DMD: variants seen among roughly 807,000 people sequenced by gnomAD.
The protein encoded by DMD is mutant dystrophin.
Under a neutral mutation model 330.1 loss-of-function variants are expected in DMD, and 63 were observed. The ratio of observed to expected loss-of-function variants is 0.19; its 90% CI spans 0.16 to 0.24. The LOEUF is 0.24. DMD is among the 10% of genes least tolerant of loss of function. The pLI is 1.00. For missense variants in DMD, 3,344 were observed against 2,684.1 expected, an observed-to-expected ratio of 1.25 and a Z score of -5.43; for synonymous variants, 1,223 against 959.8, an observed-to-expected ratio of 1.27 and a Z score of -5.07.
intron 15 of DMD, among the ~76,000 whole-genome samples, chrX:32,570,097 C>A (rs2052230185): frequency 9.0e-6 from 1 of 111,322 alleles, no homozygotes; most frequent in Admixed American, 9.6e-5. Flanking sequence ...CCCCACCTCC[C>A]ACCTCAATGG....
Position 32,103,009 on chromosome X carries a change from G to A in DMD, c.6438+113907C>T, listed in dbSNP as rs1250290110. On this transcript the variant is annotated intron_variant, in intron 44 of 78. Coordinates refer to ENST00000357033, the MANE Select transcript of DMD (RefSeq NM_004006.3). ...TAGAGAAACTATTTTTAACCCAACG[G>A]AGCTGCATTTAGGTTACTCCCTGTG... Among the ~76,000 whole-genome samples, 11 of 111,768 alleles carry A rather than the reference G, an allele frequency of 9.8e-5. No individual in the cohort carries two copies. The East Asian group carries it at 2.8e-3, about 29-fold the overall frequency.
intron 26 of DMD, 135 bp from the exon 27 acceptor site, chrX:32,448,773 C>T: frequency 1.8e-6 from 1 of 541,144 alleles, no homozygotes; most frequent in Non-Finnish European, 2.8e-6. Flanking sequence ...CTAATATGAA[C>T]TCCAGTCTCT....
chrX:31,772,441 T>G (rs1025616536), intron 51 of DMD, among the ~76,000 whole-genome samples: 1 of 111,998 alleles, frequency 8.9e-6, no homozygotes, highest in Non-Finnish European at 1.9e-5. Flanking sequence ...GAGTATTATA[T>G]AACTCAATAT....
At chrX:32,713,714 T>C (rs1223880697) in intron 7 of DMD, among the ~76,000 whole-genome samples, 2 of 111,911 alleles carry the variant, frequency 1.8e-5, no homozygotes, top group African/African-American at 3.2e-5. Flanking sequence ...TTATATCCTC[T>C]AAAATAATAC....
At chrX:32,866,733 G>T (rs1603450782) in intron 2 of DMD, among the ~76,000 whole-genome samples, 1 of 32,770 alleles carries the variant, frequency 3.1e-5, no homozygotes, top group Non-Finnish European at 5.6e-5. Flanking sequence ...TTGGGGGGGG[G>T]TGGGGGGGTG....
chrX:33,102,915 G>A (rs144069883), intron 1 of DMD, among the ~76,000 whole-genome samples: 10 of 111,934 alleles, frequency 8.9e-5, no homozygotes, highest in Non-Finnish European at 1.9e-4. Flanking sequence ...ACTTAAACCC[G>A]TAAATGGCAA....
chrX:31,152,679 A>C (rs985840633), intron 74 of DMD, among the ~76,000 whole-genome samples: 11 of 111,361 alleles, frequency 9.9e-5, no homozygotes, highest in African/African-American at 3.3e-4. Context: ...GACTACAGGC[A>C]TGTACCACCA....
chrX:32,417,793 C>T (rs1360804908), intron 29 of DMD, among the ~76,000 whole-genome samples: 1 of 107,168 alleles, frequency 9.3e-6, no homozygotes, highest in Non-Finnish European at 1.9e-5. Context: ...TACTTGTACC[C>T]CAAATAAACC....
At chrX:31,915,724 G>A (rs778776974) in intron 47 of DMD, among the ~76,000 whole-genome samples, 18 of 111,653 alleles carry the variant, frequency 1.6e-4, no homozygotes, top group African/African-American at 4.2e-4. Context: ...TAGACTATTG[G>A]CTTTTGAGAA....
chrX:32,335,705 T>C (rs2097706124), intron 41 of DMD, among the ~76,000 whole-genome samples: 1 of 107,046 alleles, frequency 9.3e-6, no homozygotes, highest in African/African-American at 3.3e-5. Context: ...GTTATATACA[T>C]AACATGTATA....
intron 63 of DMD, among the ~76,000 whole-genome samples, chrX:31,242,068 T>G (rs1300859632): frequency 9.2e-6 from 1 of 108,555 alleles, no homozygotes; most frequent in African/African-American, 3.4e-5. Flanking sequence ...ACAGCCTGGA[T>G]AACATGGCAA....
At chrX:32,940,573 C>T in intron 2 of DMD, among the ~76,000 whole-genome samples, 1 of 111,344 alleles carries the variant, frequency 9.0e-6, no homozygotes, top group Non-Finnish European at 1.9e-5. Context: ...AAAGGACTCC[C>T]TGTTCAATAA....
intron 2 of DMD, among the ~76,000 whole-genome samples, chrX:32,857,458 G>A (rs1257272097): frequency 8.9e-6 from 1 of 112,132 alleles, no homozygotes; most frequent in African/African-American, 3.2e-5. Context: ...TTAAAATGAT[G>A]TGTTTTTTTC....
At position 32,801,490 on chromosome X, in the gene DMD, T is replaced by A. The variant is rs183090126; in HGVS notation, c.649+8003A>T. 2.7e-5 allele frequency among the ~76,000 whole-genome samples: 3 copies of A among 112,139 alleles called. No homozygotes were observed. In the East Asian group the frequency reaches 8.4e-4, roughly 32 times the overall value. On this transcript the variant is annotated intron_variant, in intron 7 of 78. Transcript: ENST00000357033. ...CTGTTCACTCTGATGATAGTTTTCT[T>A]TTGCTGTGCAGGAGCTATTTAGTAA...
At chrX:31,364,355 G>A (rs1400480039) in intron 60 of DMD, among the ~76,000 whole-genome samples, 1 of 111,990 alleles carries the variant, frequency 8.9e-6, no homozygotes, top group Non-Finnish European at 1.9e-5. Context: ...CAGTCTTTAA[G>A]CTCTCGGGTC....
chrX:33,034,149 TTC>T (rs2094166006), intron 1 of DMD, among the ~76,000 whole-genome samples: 1 of 111,289 alleles, frequency 9.0e-6, no homozygotes, highest in African/African-American at 3.3e-5. Flanking sequence ...TAATTTTATA[TTC>T]TGATATGAAT....
At chrX:33,216,746 T>C (rs187716295) in intron 1 of DMD, among the ~76,000 whole-genome samples, 24 of 112,080 alleles carry the variant, frequency 2.1e-4, no homozygotes, top group African/African-American at 7.8e-4. Context: ...TTTTTTTGTC[T>C]ACACTTAGAT....
Position 32,697,827 on chromosome X carries a change from G to A in DMD, c.960+43C>T, listed in dbSNP as rs376498667. 1.9e-5 allele frequency: 23 copies of A among 1,204,615 alleles called. No individual in the cohort carries two copies. In the African/African-American group the frequency reaches 4.0e-4, roughly 21 times the overall value. On this transcript the variant is annotated intron_variant, in intron 9 of 78. Coordinates refer to ENST00000357033, the MANE Select transcript of DMD (RefSeq NM_004006.3). Reference sequence around the variant, plus strand: ...AAAGCAGTGTTAGATTATCTTGGAAGCAGTTCTCTGGTTTGTACAACAGAG... The same window carrying A: ...AAAGCAGTGTTAGATTATCTTGGAAACAGTTCTCTGGTTTGTACAACAGAG...
At chrX:33,279,041 G>A (rs1170738286) in intron 1 of DMD, among the ~76,000 whole-genome samples, 6 of 110,929 alleles carry the variant, frequency 5.4e-5, no homozygotes, top group East Asian at 5.7e-4. Context: ...AAGAAATTCT[G>A]GATTAAATTT....
Sources: allele counts gnomAD v4.1 joint callset (sites outside exome capture counted in the v4.1 genomes callset), GRCh38; gene constraint gnomAD v4.1.1; transcripts MANE v1.5; gene names NCBI Gene and HGNC (gene_info 2026-07-23, HGNC 2026-07-21).